The following NPTN variants were observed in gnomAD, a reference collection of about 807,000 sequenced individuals.
NPTN encodes neuroplastin.
A neutral mutation model predicts 42.7 loss-of-function variants in NPTN; 5 were observed. That is an observed-to-expected ratio of 0.12 (90% CI 0.06 to 0.25). The LOEUF (loss-of-function observed/expected upper bound fraction) is 0.25. NPTN is among the 10% of genes least tolerant of loss of function. The probability of loss-of-function intolerance (pLI) is 1.00; values close to 1 mark genes in which losing one functional copy is unlikely to be tolerated. For synonymous variants in NPTN, 180 were observed against 201.9 expected (o/e 0.89, Z 0.92); for missense variants, 307 against 525.4 (o/e 0.58, Z 4.06).
chr15:73,627,374 CT>C (rs1898473793), intron 1 of NPTN, among the ~76,000 whole-genome samples: 1 of 152,148 alleles, frequency 6.6e-6, no homozygotes, highest in Non-Finnish European at 1.5e-5. Flanking sequence ...CCATTTAGTG[CT>C]TTTTAGTACA....
At chr15:73,593,923 G>A (rs1278936642) in intron 2 of NPTN, among the ~76,000 whole-genome samples, 1 of 152,076 alleles carries the variant, frequency 6.6e-6, no homozygotes, top group African/African-American at 2.4e-5. Context: ...AGACACACTG[G>A]ACAGAAGCCA....
chr15:73,604,145 T>C (rs1447414502), intron 1 of NPTN, among the ~76,000 whole-genome samples: 2 of 151,212 alleles, frequency 1.3e-5, no homozygotes, highest in East Asian at 1.9e-4. Context: ...AAAAAGTCAA[T>C]GACAAAAAAG....
intron 3 of NPTN, among the ~76,000 whole-genome samples, chr15:73,589,029 G>A (rs926630443): frequency 4.6e-5 from 7 of 152,146 alleles, no homozygotes; most frequent in Non-Finnish European, 1.0e-4. Flanking sequence ...GTGACAGGAA[G>A]GACTGTAAGA....
chr15:73,592,356 G>T (rs1422244774), intron 2 of NPTN, among the ~76,000 whole-genome samples: 1 of 152,220 alleles, frequency 6.6e-6, no homozygotes, highest in African/African-American at 2.4e-5. Context: ...CTGAAGACCA[G>T]TTGGCCTAGA....
chr15:73,572,649 T>C (rs1895475040), intron 5 of NPTN, among the ~76,000 whole-genome samples: 1 of 152,154 alleles, frequency 6.6e-6, no homozygotes, highest in South Asian at 2.1e-4. Flanking sequence ...GTATGTTCTG[T>C]GTTGCAGGAA....
intron 1 of NPTN, among the ~76,000 whole-genome samples, chr15:73,631,285 GAC>G (rs1252370697): frequency 6.6e-6 from 1 of 152,188 alleles, no homozygotes; most frequent in African/African-American, 2.4e-5. Flanking sequence ...AAGTCATGTT[GAC>G]ACAGTCGAAA....
intron 1 of NPTN, chr15:73,599,415 A>T (rs1336853842): frequency 6.5e-6 from 1 of 152,748 alleles, no homozygotes; most frequent in Non-Finnish European, 1.5e-5. Context: ...GGAGTTCAAG[A>T]CCAGCCTGGC....
At chr15:73,578,485 G>T (rs936180980) in intron 4 of NPTN, among the ~76,000 whole-genome samples, 13 of 152,184 alleles carry the variant, frequency 8.5e-5, no homozygotes, top group Non-Finnish European at 1.9e-4. Flanking sequence ...GAGAAGAAAA[G>T]GAGTCAAGGA....
rs1208797516 is a variant in NPTN at position 73,591,993 on chromosome 15, C to G, written c.584G>C (p.Arg195Pro). The change falls in exon 3 of 9, where the codon CGT becomes CCT. Residue 195 changes from arginine (R) to proline (P), a missense_variant. By Grantham distance (103) the Arg-to-Pro change is moderately radical. Coordinates refer to ENST00000345330, the MANE Select transcript of NPTN (RefSeq NM_012428.4). ...GTACTCCATGTTGCTGGCATTCTTA[C>G]GAGTGGCACTCAGTTCCACCCCATT... Reference protein sequence around the residue: ...TKNGVELSATRKNASNMEYRI... With the variant: ...TKNGVELSATPKNASNMEYRI... 1 of 1,613,430 alleles carries G rather than the reference C, an allele frequency of 6.2e-7. No individual in the cohort carries two copies. Among genetic ancestry groups the G allele is most frequent in the Non-Finnish European group, 8.5e-7 (1 of 1,179,588 alleles).
At chr15:73,592,234 A>T in intron 2 of NPTN, 97 bp from the exon 3 acceptor site, 1 of 1,021,228 alleles carries the variant, frequency 9.8e-7, no homozygotes. Context: ...AAACTAGAAA[A>T]AGAGGGAGGG....
chr15:73,584,526 C>G (rs1896218696), intron 4 of NPTN, among the ~76,000 whole-genome samples: 1 of 151,924 alleles, frequency 6.6e-6, no homozygotes, highest in Non-Finnish European at 1.5e-5. Flanking sequence ...ACTCTGGTAC[C>G]ACAGCCTCTG....
At chr15:73,626,895 C>CTGGG (rs1898443205) in intron 1 of NPTN, among the ~76,000 whole-genome samples, 1 of 152,026 alleles carries the variant, frequency 6.6e-6, no homozygotes, top group Non-Finnish European at 1.5e-5. Context: ...GAAGTAATAC[C>CTGGG]TGGGTGACCG....
chr15:73,629,580 T>C (rs1317765622), intron 1 of NPTN, among the ~76,000 whole-genome samples: 1 of 152,022 alleles, frequency 6.6e-6, no homozygotes, highest in Non-Finnish European at 1.5e-5. Context: ...CCAAACAAAA[T>C]GGTTTCTAAA....
intron 7 of NPTN, among the ~76,000 whole-genome samples, chr15:73,562,674 A>C (rs1300536036): frequency 6.6e-6 from 1 of 152,164 alleles, no homozygotes; most frequent in Non-Finnish European, 1.5e-5. Context: ...AGCAATTGTT[A>C]ATGGGGCTAG....
intron 4 of NPTN, among the ~76,000 whole-genome samples, chr15:73,581,955 C>A (rs1325243385): frequency 6.6e-6 from 1 of 152,132 alleles, no homozygotes; most frequent in African/African-American, 2.4e-5. Context: ...CTGCCTCGGC[C>A]TCCTGAGTAG....
intron 1 of NPTN, among the ~76,000 whole-genome samples, chr15:73,610,566 A>C (rs553882057): frequency 6.6e-6 from 1 of 152,214 alleles, no homozygotes; most frequent in Non-Finnish European, 1.5e-5. Flanking sequence ...AAAAAGGAAA[A>C]CAAGCGGAAT....
At chr15:73,616,699 T>A (rs1343183429) in intron 1 of NPTN, among the ~76,000 whole-genome samples, 1 of 152,150 alleles carries the variant, frequency 6.6e-6, no homozygotes, top group Non-Finnish European at 1.5e-5. Context: ...TTAAGTAGAA[T>A]TTTCACCTCT....
chr15:73,632,887 A>C, intron 1 of NPTN: 2 of 388,576 alleles, frequency 5.1e-6, no homozygotes, highest in South Asian at 9.5e-5. Flanking sequence ...GGAGCCTCCG[A>C]GTGGGCAACA....
Position 73,569,737 on chromosome 15 carries a change from G to A in NPTN, c.1114+413C>T. The A allele has an allele frequency of 2.0e-6, 2 of 985,366 alleles. No homozygotes were observed. Among genetic ancestry groups the A allele is most frequent in the African/African-American group, 1.7e-5 (1 of 57,368 alleles). The allele number at this position is 985,366 out of a possible 1,614,324, so 61.0% of individuals were successfully genotyped here. On this transcript the variant is annotated intron_variant, in intron 6 of 8. Transcript: ENST00000345330. This position sits in a 1 kb window ranked among gnomAD's most constrained non-coding sequence, Gnocchi z 4.1. The stretch of plus-strand genomic sequence containing the variant: ...ACCTTAAATCTGCCTGAAAGGCCAG[G>A]TGGCCTGCCATCTTGGGGTGGCTTC...
Sources: allele counts gnomAD v4.1 joint callset (sites outside exome capture counted in the v4.1 genomes callset), GRCh38; gene constraint gnomAD v4.1.1; non-coding constraint Gnocchi (gnomAD v3.1); transcripts MANE v1.5; gene names NCBI Gene and HGNC (gene_info 2026-07-23, HGNC 2026-07-21).